ANK2: variants seen among roughly 807,000 people sequenced by gnomAD.
ANK2 encodes ankyrin-2.
A neutral mutation model predicts 360.5 loss-of-function variants in ANK2; 83 were observed. That is an observed-to-expected ratio of 0.23 (90% CI 0.19 to 0.28). The LOEUF (loss-of-function observed/expected upper bound fraction) is 0.28, where lower values mean the gene tolerates loss of function less well. ANK2 is among the 10% of genes least tolerant of loss of function. ANK2 has a pLI of 1.00. For missense variants in ANK2, 4,201 were observed against 4,795.7 expected, an observed-to-expected ratio of 0.88 and a Z score of 3.66; for synonymous variants, 1,740 against 1,759.5, an observed-to-expected ratio of 0.99 and a Z score of 0.28.
intron 1 of ANK2, among the ~76,000 whole-genome samples, chr4:113,119,587 TATC>T (rs1264075171): frequency 6.6e-6 from 1 of 152,162 alleles, no homozygotes; most frequent in Non-Finnish European, 1.5e-5. Context: ...ATTTTAAAAT[TATC>T]ATCGTTTATT....
At chr4:112,964,310 T>C (rs1338033734) in intron 2 of ANK2, among the ~76,000 whole-genome samples, 3 of 151,014 alleles carry the variant, frequency 2.0e-5, no homozygotes, top group Non-Finnish European at 4.4e-5. Context: ...CCATCCCCAC[T>C]TCCCCCACCC....
chr4:113,079,513 A>G (rs1378822319), intron 1 of ANK2, among the ~76,000 whole-genome samples: 1 of 152,150 alleles, frequency 6.6e-6, no homozygotes, highest in African/African-American at 2.4e-5. Flanking sequence ...CTAGATTTTA[A>G]GTTATCTGTG....
chr4:112,892,155 T>C (rs2080220648), intron 1 of ANK2, among the ~76,000 whole-genome samples: 1 of 152,086 alleles, frequency 6.6e-6, no homozygotes, highest in Non-Finnish European at 1.5e-5. Context: ...TAGGTGGCTC[T>C]GGGCCAGTGA....
At chr4:113,202,123 CATT>C (rs1230692658) in intron 4 of ANK2, among the ~76,000 whole-genome samples, 1 of 151,782 alleles carries the variant, frequency 6.6e-6, no homozygotes, top group Admixed American at 6.6e-5. Flanking sequence ...ATGTACCCAT[CATT>C]AATAGTTGAA....
At chr4:113,375,501 G>A (rs113092877) in intron 45 of ANK2, among the ~76,000 whole-genome samples, 10,825 of 151,758 alleles carry the variant, frequency 0.071, 1,238 homozygotes, top group African/African-American at 0.24. Flanking sequence ...CGAGGCAGGC[G>A]GATCACAAGG....
intron 20 of ANK2, among the ~76,000 whole-genome samples, chr4:113,290,012 A>C (rs528924649): frequency 6.6e-6 from 1 of 152,202 alleles, no homozygotes; most frequent in Admixed American, 6.5e-5. Context: ...GAAAATGCTT[A>C]TCATATTTTT....
At chr4:113,144,565 CT>C (rs1302229623) in intron 1 of ANK2, among the ~76,000 whole-genome samples, 4 of 151,486 alleles carry the variant, frequency 2.6e-5, no homozygotes, top group African/African-American at 9.7e-5. Flanking sequence ...CAATTCAATA[CT>C]TTTTTTAGAC....
At position 113,369,501 on chromosome 4, in the gene ANK2, T is replaced by C. The variant is rs2096654352; in HGVS notation, c.11319-13T>C. On this transcript the variant is annotated splice_polypyrimidine_tract_variant and intron_variant, in intron 42 of 45. Coordinates refer to ENST00000357077, the MANE Select transcript of ANK2 (RefSeq NM_001148.6). Reference sequence around the variant, plus strand: ...AAATGTCCCTGAAGTCTCATTTGGCTTTTTGATTCCAGTGTGACAACTCCA... The same window carrying C: ...AAATGTCCCTGAAGTCTCATTTGGCCTTTTGATTCCAGTGTGACAACTCCA... 1.9e-6 allele frequency: 3 copies of C among 1,613,106 alleles called. No homozygotes were observed. Among genetic ancestry groups the C allele is most frequent in the Admixed American group, 1.7e-5 (1 of 60,010 alleles).
chr4:112,881,869 A>C, intron 1 of ANK2: 1 of 773,416 alleles, frequency 1.3e-6, no homozygotes, highest in South Asian at 1.4e-5. Flanking sequence ...TTTTGAGAAT[A>C]TTCTCTTGAG....
intron 2 of ANK2, among the ~76,000 whole-genome samples, chr4:112,960,435 A>T (rs1476437380): frequency 6.6e-6 from 1 of 152,096 alleles, no homozygotes; most frequent in East Asian, 1.9e-4. Context: ...TACCAGACGC[A>T]TATAAAAAGT....
intron 10 of ANK2, among the ~76,000 whole-genome samples, chr4:113,255,012 A>G (rs2048526504): frequency 6.6e-6 from 1 of 152,182 alleles, no homozygotes; most frequent in African/African-American, 2.4e-5. Flanking sequence ...AGTCTGATGA[A>G]CAGTGCATTA....
intron 1 of ANK2, among the ~76,000 whole-genome samples, chr4:113,173,186 T>C (rs1048000980): frequency 1.3e-5 from 2 of 152,224 alleles, no homozygotes; most frequent in Admixed American, 6.5e-5. Flanking sequence ...GTAACTTAGT[T>C]CTATGGTTTT....
chr4:112,750,592 A>G, the ANK2 span, among the ~76,000 whole-genome samples: 1 of 152,326 alleles, frequency 6.6e-6, no homozygotes, highest in Non-Finnish European at 1.5e-5. Flanking sequence ...TGTGCAAGAA[A>G]GAATGAGAGG....
intron 2 of ANK2, among the ~76,000 whole-genome samples, chr4:113,182,669 C>A (rs758838460): frequency 7.9e-5 from 12 of 152,088 alleles, no homozygotes; most frequent in Non-Finnish European, 1.6e-4. Flanking sequence ...TGCTGTTGAT[C>A]CAATAAGCTG....
At chr4:113,050,446 G>A (rs182187438) in intron 1 of ANK2, among the ~76,000 whole-genome samples, 99 of 152,224 alleles carry the variant, frequency 6.5e-4, no homozygotes, top group African/African-American at 2.2e-3. Flanking sequence ...GGCACACAAA[G>A]CAGTCTGTAG....
intron 2 of ANK2, among the ~76,000 whole-genome samples, chr4:112,908,343 A>T (rs186434744): frequency 1.3e-5 from 2 of 152,342 alleles, no homozygotes. Context: ...TCATACTGCA[A>T]ATCACCAGCA....
chr4:113,120,474 A>G (rs1246567549), intron 1 of ANK2, among the ~76,000 whole-genome samples: 5 of 152,208 alleles, frequency 3.3e-5, no homozygotes, highest in Admixed American at 2.6e-4. Flanking sequence ...GAAGTTGAAT[A>G]TTCTTTCCAC....
intron 1 of ANK2, among the ~76,000 whole-genome samples, chr4:112,890,353 A>G (rs2079585150): frequency 1.3e-5 from 2 of 152,160 alleles, no homozygotes; most frequent in Admixed American, 6.6e-5. Flanking sequence ...ATAAAATTAA[A>G]TAGTATTCAA....
the ANK2 span, among the ~76,000 whole-genome samples, chr4:112,782,644 A>G: frequency 2.0e-5 from 3 of 151,972 alleles, no homozygotes; most frequent in African/African-American, 7.2e-5. Context: ...AGATGGGTGG[A>G]TCACCTGAGG....
Sources: gnomAD v4.1 joint callset for allele counts (sites outside exome capture counted in the v4.1 genomes callset) on GRCh38, gnomAD v4.1.1 for gene constraint, MANE v1.5 for transcripts, NCBI Gene and HGNC (gene_info 2026-07-23, HGNC 2026-07-21) for gene names.